Variants in OPCML observed in about 807,000 individuals in gnomAD.
The protein encoded by OPCML is opioid binding protein/cell adhesion molecule like, also known as opioid-binding protein/cell adhesion molecule.
OPCML carries 13 observed loss-of-function variants against 37.8 expected under a neutral mutation model. The ratio of observed to expected loss-of-function variants is 0.34; its 90% CI spans 0.22 to 0.55. The LOEUF is 0.55. Among genes scored for constraint, OPCML ranks in the 20% least tolerant of loss-of-function variants. OPCML has a pLI of 0.91. For missense variants in OPCML, 341 were observed against 435.6 expected, an observed-to-expected ratio of 0.78 and a Z score of 1.93; for synonymous variants, 176 against 168.8, an observed-to-expected ratio of 1.04 and a Z score of -0.33.
chr11:132,688,166 TG>T (rs1440520565), intron 2 of OPCML, among the ~76,000 whole-genome samples: 19 of 150,918 alleles, frequency 1.3e-4, no homozygotes, highest in African/African-American at 4.2e-4. Context: ...TTAGGAATCA[TG>T]GTTTTTTTTT....
chr11:132,776,950 A>G (rs926222150), intron 2 of OPCML, among the ~76,000 whole-genome samples: 18 of 152,052 alleles, frequency 1.2e-4, no homozygotes, highest in Admixed American at 5.9e-4. Flanking sequence ...TAGCCCCATC[A>G]TCACCAAAGG....
chr11:133,089,883 C>T (rs1339245301), intron 1 of OPCML, among the ~76,000 whole-genome samples: 2 of 152,112 alleles, frequency 1.3e-5, no homozygotes, highest in Admixed American at 1.3e-4. Flanking sequence ...TTATTGAGCA[C>T]ATGCCACGTA....
chr11:133,067,889 T>C (rs1216095579), intron 1 of OPCML: 2 of 152,180 alleles, frequency 1.3e-5, no homozygotes, highest in African/African-American at 4.8e-5. Context: ...CATATATTTG[T>C]GCAAAGTTTT....
At chr11:133,075,509 C>T (rs1948607873) in intron 1 of OPCML, among the ~76,000 whole-genome samples, 1 of 152,192 alleles carries the variant, frequency 6.6e-6, no homozygotes, top group African/African-American at 2.4e-5. Flanking sequence ...TCGACACTGA[C>T]TGATGCTTTG....
intron 1 of OPCML, among the ~76,000 whole-genome samples, chr11:133,525,659 C>T (rs1948475095): frequency 6.6e-6 from 1 of 152,114 alleles, no homozygotes; most frequent in Admixed American, 6.5e-5. Flanking sequence ...TTTCTAAAAC[C>T]GTTAGTAACT....
intron 1 of OPCML, among the ~76,000 whole-genome samples, chr11:133,052,616 C>T (rs1463772016): frequency 2.0e-5 from 3 of 152,180 alleles, no homozygotes; most frequent in Non-Finnish European, 4.4e-5. Context: ...CAGATCAGTT[C>T]TGCTGGCTCT....
At chr11:133,343,682 G>A (rs1394404911) in intron 1 of OPCML, among the ~76,000 whole-genome samples, 1 of 152,148 alleles carries the variant, frequency 6.6e-6, no homozygotes. Flanking sequence ...CTTTTCAGCT[G>A]TCTACCTAGC....
At chr11:133,433,334 C>T (rs960516405) in intron 1 of OPCML, among the ~76,000 whole-genome samples, 2 of 148,678 alleles carry the variant, frequency 1.3e-5, no homozygotes, top group Non-Finnish European at 3.0e-5. Context: ...ATTTTTATTT[C>T]TTTGCGCATA....
intron 1 of OPCML, chr11:133,422,481 C>T (rs6590695): frequency 0.24 from 227,961 of 961,082 alleles, 35,560 homozygotes; most frequent in African/African-American, 0.71. Flanking sequence ...CCCATGTTAG[C>T]TTAGCGTCTT....
chr11:132,668,106 T>C (rs1942300509), intron 2 of OPCML, among the ~76,000 whole-genome samples: 1 of 152,178 alleles, frequency 6.6e-6, no homozygotes, highest in Non-Finnish European at 1.5e-5. Flanking sequence ...ATAAAGTCCT[T>C]GAGCAAATCA....
intron 1 of OPCML, among the ~76,000 whole-genome samples, chr11:132,980,615 G>A (rs1386785014): frequency 6.6e-6 from 1 of 152,164 alleles, no homozygotes; most frequent in Non-Finnish European, 1.5e-5. Context: ...ATTTTTAAGT[G>A]TGTTATGCAG....
At chr11:132,971,713 G>A (rs952558382) in intron 1 of OPCML, among the ~76,000 whole-genome samples, 7 of 152,084 alleles carry the variant, frequency 4.6e-5, no homozygotes, top group African/African-American at 1.7e-4. Context: ...GCAGTCCTGG[G>A]GCTGAGGGCA....
At chr11:132,642,593 C>T (rs1439203681) in intron 3 of OPCML, among the ~76,000 whole-genome samples, 2 of 152,146 alleles carry the variant, frequency 1.3e-5, no homozygotes, top group East Asian at 1.9e-4. Flanking sequence ...AGTTGCTGAA[C>T]CACCCTGGCA....
At chr11:133,124,169 T>G (rs1056583301) in intron 1 of OPCML, among the ~76,000 whole-genome samples, 2 of 72,140 alleles carry the variant, frequency 2.8e-5, no homozygotes, top group African/African-American at 1.4e-4. Context: ...CCTCAGGAAA[T>G]TTAGAAAAAA....
chr11:133,442,348 T>G (rs1946380943), intron 1 of OPCML, among the ~76,000 whole-genome samples: 1 of 152,218 alleles, frequency 6.6e-6, no homozygotes, highest in South Asian at 2.1e-4. Context: ...CTTGGTGGCA[T>G]TATAAATTGA....
intron 4 of OPCML, among the ~76,000 whole-genome samples, chr11:132,479,460 C>A (rs2096170315): frequency 6.6e-6 from 1 of 152,226 alleles, no homozygotes; most frequent in South Asian, 2.1e-4. Flanking sequence ...GGGCGCCCAC[C>A]ATTGCCCAGG....
At chr11:133,112,603 C>G (rs1430416525) in intron 1 of OPCML, among the ~76,000 whole-genome samples, 3 of 152,132 alleles carry the variant, frequency 2.0e-5, no homozygotes, top group African/African-American at 7.2e-5. Context: ...GTGTCAGCAT[C>G]TAGTGAGCTA....
intron 1 of OPCML, among the ~76,000 whole-genome samples, chr11:133,175,657 CTTTT>C (rs35382294): frequency 1.4e-5 from 2 of 142,494 alleles, no homozygotes; most frequent in African/African-American, 2.6e-5. Flanking sequence ...AATTCACTGA[CTTTT>C]TTTTTTTTTT....
intron 1 of OPCML, among the ~76,000 whole-genome samples, chr11:133,337,762 C>A (rs1943775611): frequency 6.6e-6 from 1 of 152,188 alleles, no homozygotes; most frequent in Non-Finnish European, 1.5e-5. Flanking sequence ...AGGGTGAAAT[C>A]TGGTGCACAG....
Sources: allele counts gnomAD v4.1 joint callset (sites outside exome capture counted in the v4.1 genomes callset), GRCh38; gene constraint gnomAD v4.1.1; transcripts MANE v1.5; gene names NCBI Gene and HGNC (gene_info 2026-07-23, HGNC 2026-07-21).